The following ATAD2B variants were observed in gnomAD, a reference collection of about 807,000 sequenced individuals.
ATAD2B encodes the protein ATPase family AAA domain containing 2B, also known as ATPase family AAA domain-containing protein 2B.
Under a neutral mutation model 167.6 loss-of-function variants are expected in ATAD2B, and 40 were observed. That is an observed-to-expected ratio of 0.24 (90% CI 0.19 to 0.31). ATAD2B has a LOEUF of 0.31. Among genes scored for constraint, ATAD2B ranks in the 10% least tolerant of loss-of-function variants. The probability of loss-of-function intolerance (pLI) is 1.00; values close to 1 mark genes in which losing one functional copy is unlikely to be tolerated. For missense variants in ATAD2B, 1,242 were observed against 1,757.2 expected, an observed-to-expected ratio of 0.71 and a Z score of 5.24; for synonymous variants, 579 against 596.5, an observed-to-expected ratio of 0.97 and a Z score of 0.43.
the ATAD2B span, chr2:23,695,742 C>T: frequency 3.2e-5 from 50 of 1,551,544 alleles, no homozygotes; most frequent in African/African-American, 4.1e-5. This position sits in a 1 kb window ranked among gnomAD's most constrained non-coding sequence, Gnocchi z 7.6. Context: ...ACCTGGTGAA[C>T]GAGGCCAAAC....
chr2:23,847,667 TTTTTGC>T (rs1196890393), intron 13 of ATAD2B, among the ~76,000 whole-genome samples: 1 of 149,116 alleles, frequency 6.7e-6, no homozygotes, highest in Admixed American at 6.7e-5. Context: ...AACAAAGCTG[TTTTTGC>T]TTTTGTTTTA....
At chr2:23,755,947 T>C (rs755005123) in intron 25 of ATAD2B, among the ~76,000 whole-genome samples, 12 of 152,148 alleles carry the variant, frequency 7.9e-5, no homozygotes, top group Admixed American at 2.6e-4. Context: ...TAGGATACTG[T>C]CCTGATAATT....
At chr2:23,810,840 G>C (rs528449217) in intron 17 of ATAD2B, among the ~76,000 whole-genome samples, 2 of 151,048 alleles carry the variant, frequency 1.3e-5, no homozygotes, top group Admixed American at 1.3e-4. Context: ...GTGAAACCCC[G>C]TCTCTACTAA....
chr2:23,851,062 T>C (rs1440323931), intron 13 of ATAD2B, among the ~76,000 whole-genome samples: 1 of 152,182 alleles, frequency 6.6e-6, no homozygotes, highest in Non-Finnish European at 1.5e-5. Context: ...ACACTAAATC[T>C]GCTGGCACCC....
chr2:23,793,429 T>C (rs1682126206), intron 19 of ATAD2B, among the ~76,000 whole-genome samples: 1 of 152,192 alleles, frequency 6.6e-6, no homozygotes, highest in African/African-American at 2.4e-5. Context: ...AAGAGTCTTT[T>C]TTCTGTGCTC....
chr2:23,768,540 C>A (rs1359257764), intron 22 of ATAD2B, among the ~76,000 whole-genome samples: 1 of 151,806 alleles, frequency 6.6e-6, no homozygotes, highest in African/African-American at 2.4e-5. Flanking sequence ...CCACTGCACT[C>A]CAGCCTGAGC....
intron 8 of ATAD2B, among the ~76,000 whole-genome samples, chr2:23,874,794 C>T (rs1696567324): frequency 1.3e-5 from 2 of 151,954 alleles, no homozygotes; most frequent in African/African-American, 2.4e-5. Flanking sequence ...TGGTGGCTCA[C>T]GACTGCAATG....
the ATAD2B span, among the ~76,000 whole-genome samples, chr2:23,727,377 TC>T: frequency 6.6e-6 from 1 of 152,162 alleles, no homozygotes; most frequent in African/African-American, 2.4e-5. Context: ...AAACACTACT[TC>T]ACACCTATTA....
At chr2:23,700,394 CAT>C in the ATAD2B span, among the ~76,000 whole-genome samples, 1 of 152,182 alleles carries the variant, frequency 6.6e-6, no homozygotes, top group African/African-American at 2.4e-5. The surrounding 1 kb of genome is among the most constrained non-coding windows in gnomAD (Gnocchi z 4.6). Flanking sequence ...TTTTTTACTA[CAT>C]GTTACTACTC....
chr2:23,827,168 A>C (rs1241009514), intron 15 of ATAD2B, among the ~76,000 whole-genome samples: 1 of 152,132 alleles, frequency 6.6e-6, no homozygotes, highest in Non-Finnish European at 1.5e-5. Flanking sequence ...ATGGATTTTT[A>C]TGTCACTGTC....
the ATAD2B span, chr2:23,690,196 T>A: frequency 6.6e-6 from 1 of 152,388 alleles, no homozygotes; most frequent in African/African-American, 2.4e-5. Flanking sequence ...TGGTGGAATT[T>A]CAGGTACTGC....
chr2:23,773,287 C>T (rs1678611881), intron 22 of ATAD2B, among the ~76,000 whole-genome samples: 1 of 152,122 alleles, frequency 6.6e-6, no homozygotes, highest in Admixed American at 6.5e-5. Flanking sequence ...AGGAGGATTG[C>T]TTGAGGCCAG....
chr2:23,807,924 ATATT>A (rs1426845376), intron 18 of ATAD2B, among the ~76,000 whole-genome samples: 2 of 130,954 alleles, frequency 1.5e-5, no homozygotes, highest in African/African-American at 5.7e-5. Flanking sequence ...ATATATAAAT[ATATT>A]TATAATATAT....
the ATAD2B span, among the ~76,000 whole-genome samples, chr2:23,698,566 A>AT: frequency 8.8e-6 from 1 of 113,554 alleles, no homozygotes. Flanking sequence ...ATGGTGCATT[A>AT]TAATTATATT....
At chr2:23,863,631 C>G (rs1335768827) in intron 11 of ATAD2B, 76 bp from the exon 12 acceptor site, 2 of 1,286,040 alleles carry the variant, frequency 1.6e-6, no homozygotes, top group Non-Finnish European at 2.1e-6. Context: ...AAAATGTCCC[C>G]CCCTTCCATA....
chr2:23,739,811 A>C, the ATAD2B span, among the ~76,000 whole-genome samples: 6 of 152,324 alleles, frequency 3.9e-5, no homozygotes, highest in African/African-American at 1.2e-4. Context: ...TAGCAAGACT[A>C]ATAAAGAAGA....
At chr2:23,888,692 T>G (rs1699041663) in intron 2 of ATAD2B, among the ~76,000 whole-genome samples, 2 of 152,144 alleles carry the variant, frequency 1.3e-5, no homozygotes, top group African/African-American at 4.8e-5. Flanking sequence ...TACCATAAAA[T>G]TAACTGAGAC....
chr2:23,806,325 C>G (rs1439876330), intron 18 of ATAD2B: 1 of 152,128 alleles, frequency 6.6e-6, no homozygotes. Context: ...GTAAATAATC[C>G]ATTTCTTCCA....
intron 20 of ATAD2B, among the ~76,000 whole-genome samples, chr2:23,787,041 G>A (rs1680929698): frequency 6.9e-6 from 1 of 145,376 alleles, no homozygotes. Flanking sequence ...CTGCAGGAAG[G>A]GAGGGAAAAA....
Sources: gnomAD v4.1 joint callset for allele counts (sites outside exome capture counted in the v4.1 genomes callset) on GRCh38, gnomAD v4.1.1 for gene constraint, Gnocchi (gnomAD v3.1) non-coding constraint, MANE v1.5 for transcripts, NCBI Gene and HGNC (gene_info 2026-07-23, HGNC 2026-07-21) for gene names.